Variants in DKK2 observed in about 807,000 individuals in gnomAD.
The protein encoded by DKK2 is dickkopf-related protein 2.
DKK2 carries 11 observed loss-of-function variants against 28.1 expected under a neutral mutation model. That is an observed-to-expected ratio of 0.39 (90% CI 0.25 to 0.65). The LOEUF is 0.65. Among genes scored for constraint, DKK2 ranks in the 30% least tolerant of loss-of-function variants. DKK2 has a pLI of 0.47. For missense variants in DKK2, 326 were observed against 335.5 expected (o/e 0.97, Z 0.22); for synonymous variants, 135 against 126.5 (o/e 1.07, Z -0.45).
chr4:107,015,888 C>A (rs1486278365), intron 1 of DKK2, among the ~76,000 whole-genome samples: 1 of 151,716 alleles, frequency 6.6e-6, no homozygotes, highest in East Asian at 1.9e-4. Flanking sequence ...AAACAAAATA[C>A]AATTTCCCTC....
rs1020095375 is a variant in DKK2, at chr4:106,936,583, A to G, written c.223-10634T>C. Among the ~76,000 whole-genome samples, 54 of 152,342 alleles carry G rather than the reference A, an allele frequency of 3.5e-4. 1 individual carries two copies. The highest frequency in any genetic ancestry group is 1.3e-3 in the African/African-American group (53 of 41,590). On this transcript the variant is annotated intron_variant, in intron 1 of 3. Transcript: ENST00000285311. ...GAGAACTTCCCCAATCTAGCAAGGC[A>G]GGCCAACATTCAGATTCAGGAAATA...
At chr4:106,944,859 G>A (rs1295418628) in intron 1 of DKK2, among the ~76,000 whole-genome samples, 3 of 152,046 alleles carry the variant, frequency 2.0e-5, no homozygotes, top group Non-Finnish European at 4.4e-5. Context: ...AAACACCTGG[G>A]CACAGCAGGT....
Position 107,035,894 on chromosome 4 carries a change from A to C in DKK2, c.-303T>G. 1 of 424,176 alleles carries C rather than the reference A, an allele frequency of 2.4e-6. No homozygotes were observed. Among genetic ancestry groups the C allele is most frequent in the Non-Finnish European group, 4.3e-6 (1 of 230,582 alleles). 26.3% of individuals were successfully genotyped at this position (424,176 alleles called of 1,614,324 possible). The stretch of plus-strand genomic sequence containing the variant: ...GAGGCGTGACCCAAGGTGCAAGAAA[A>C]CCCAGCCCTGTGGATCGCACCGCTT... On this transcript the variant is annotated 5_prime_UTR_variant, in exon 1 of 4. Transcript: ENST00000285311.
At chr4:107,011,714 G>T (rs200978693) in intron 1 of DKK2, among the ~76,000 whole-genome samples, 10 of 142,802 alleles carry the variant, frequency 7.0e-5, no homozygotes, top group African/African-American at 1.0e-4. Flanking sequence ...TGTGTGTGTG[G>T]GTGTGTATAA....
intron 1 of DKK2, among the ~76,000 whole-genome samples, chr4:106,973,653 G>A (rs1722901633): frequency 6.6e-6 from 1 of 152,146 alleles, no homozygotes; most frequent in African/African-American, 2.4e-5. Flanking sequence ...CAGACAGAGA[G>A]ATTGCAAAAA....
At chr4:107,027,034 T>C (rs1331161614) in intron 1 of DKK2, among the ~76,000 whole-genome samples, 1 of 151,800 alleles carries the variant, frequency 6.6e-6, no homozygotes, top group East Asian at 1.9e-4. Context: ...TAAAGAGGAA[T>C]GAACCAGAGA....
Position 106,923,856 on chromosome 4 carries a change from A to G in DKK2, c.*98T>C, listed in dbSNP as rs963507711. The G allele has an allele frequency of 2.0e-6, 3 of 1,474,238 alleles. No individual in the cohort carries two copies. In the African/African-American group the frequency reaches 4.2e-5, roughly 21 times the overall value. The allele number at this position is 1,474,238 out of a possible 1,614,324, so 91.3% of individuals were successfully genotyped here. Reference sequence around the variant, plus strand: ...ATATTCTTATCACGTTTCTTATTTTAGCCATTCTTCTGCATCTGAACCTTA... The same window carrying G: ...ATATTCTTATCACGTTTCTTATTTTGGCCATTCTTCTGCATCTGAACCTTA... On this transcript the variant is annotated 3_prime_UTR_variant, in exon 4 of 4. Transcript: ENST00000285311.
chr4:106,980,177 T>A (rs558306924), intron 1 of DKK2, among the ~76,000 whole-genome samples: 1 of 152,196 alleles, frequency 6.6e-6, no homozygotes, highest in Non-Finnish European at 1.5e-5. Context: ...ACTATCAATA[T>A]GCTTTGAAAC....
At chr4:106,956,714 G>T (rs1369249133) in intron 1 of DKK2, among the ~76,000 whole-genome samples, 1 of 151,828 alleles carries the variant, frequency 6.6e-6, no homozygotes, top group Non-Finnish European at 1.5e-5. Flanking sequence ...GAAAGCTGAA[G>T]CTGGATCCCT....
Position 107,035,459 on chromosome 4 carries a change from C to T in DKK2, c.133G>A (p.Glu45Lys). 6.2e-7 allele frequency: 1 copy of T among 1,614,198 alleles called. No homozygotes were observed. Among genetic ancestry groups the T allele is most frequent in the Non-Finnish European group, 8.5e-7 (1 of 1,180,042 alleles). ...LNSIKSSLGG[E>K]TPGQAANRSA... ...CGATTGGCGGCCTGACCAGGCGTCTCCCCGCCCAGAGAGGACTTGATGGAG... is the reference window on the plus strand; with the variant it reads ...CGATTGGCGGCCTGACCAGGCGTCTTCCCGCCCAGAGAGGACTTGATGGAG... The change falls in exon 1 of 4, where the codon GAG (glutamate) becomes AAG (lysine). Residue 45 changes from glutamate to lysine, a missense_variant. Transcript: ENST00000285311.
At chr4:107,025,086 C>G (rs945508014) in intron 1 of DKK2, among the ~76,000 whole-genome samples, 3 of 152,164 alleles carry the variant, frequency 2.0e-5, no homozygotes, top group Non-Finnish European at 4.4e-5. Flanking sequence ...GTCCATCCCT[C>G]TAAGTCAGAG....
rs981311856 is a variant in DKK2 at position 106,963,904 on chromosome 4, G to A, written c.223-37955C>T. On this transcript the variant is annotated intron_variant, in intron 1 of 3. Transcript: ENST00000285311. ...TTCATTCTTCTGCATATGTATACCC[G>A]GTTTTCCCAGTACCATTCATTTGTT... is the stretch of plus-strand genomic sequence containing the variant. Among the ~76,000 whole-genome samples the A allele has an allele frequency of 2.0e-5, 3 of 152,088 alleles. No homozygotes were observed. The South Asian group carries it at 6.2e-4, about 32-fold the overall frequency.
intron 1 of DKK2, among the ~76,000 whole-genome samples, chr4:106,934,855 G>C (rs1235664428): frequency 2.0e-5 from 3 of 152,090 alleles, no homozygotes; most frequent in African/African-American, 7.2e-5. Flanking sequence ...CATTTTAAAA[G>C]AGATACTTTA....
intron 1 of DKK2, among the ~76,000 whole-genome samples, chr4:107,003,383 C>A (rs932861394): frequency 6.6e-5 from 10 of 152,228 alleles, no homozygotes; most frequent in Non-Finnish European, 1.5e-4. Context: ...AGTTCACCAT[C>A]TTTTAGGCCC....
chr4:106,924,659 T>C lies in DKK2; in HGVS notation c.415A>G (p.Ile139Val), dbSNP rs144369104. The C allele has an allele frequency of 1.2e-6, 2 of 1,613,674 alleles. No individual in the cohort carries two copies. Among genetic ancestry groups the C allele is most frequent in the African/African-American group, 2.7e-5 (2 of 74,898 alleles). The stretch of plus-strand genomic sequence containing the variant: ...TGCCGAGTACCATCCAGAGCCGGGA[T>C]GTGAGGGGTTAAGATGCTTTCAGTA... ...PVTESILTPH[I>V]PALDGTRHRD... The change falls in exon 3 of 4, where the codon ATC becomes GTC. Residue 139 changes from isoleucine to valine, a missense_variant. By Grantham distance (29) the Ile-to-Val change is conservative. Transcript: ENST00000285311.
chr4:107,028,167 C>CCT (rs34237705), intron 1 of DKK2, among the ~76,000 whole-genome samples: 35,837 of 152,062 alleles, frequency 0.24, 4,576 homozygotes, highest in East Asian at 0.53. Flanking sequence ...ATTGACTTAT[C>CCT]CTCTCTTAAT....
intron 1 of DKK2, among the ~76,000 whole-genome samples, chr4:106,997,597 T>C (rs187686685): frequency 1.5e-3 from 230 of 152,170 alleles, no homozygotes; most frequent in African/African-American, 5.2e-3. Context: ...ACTGAAAAAC[T>C]TCCTTGCAAT....
At chr4:106,954,678 C>T (rs188272309) in intron 1 of DKK2, among the ~76,000 whole-genome samples, 107 of 152,128 alleles carry the variant, frequency 7.0e-4, no homozygotes, top group Middle Eastern at 6.8e-3. Flanking sequence ...TGTGCCACCA[C>T]GCCTGGCTAT....
At chr4:107,030,952 A>G (rs527436317) in intron 1 of DKK2, among the ~76,000 whole-genome samples, 58 of 152,138 alleles carry the variant, frequency 3.8e-4, no homozygotes, top group Admixed American at 2.5e-3. Context: ...CAAGAAGATT[A>G]TGACAGGGTC....
Sources: gnomAD v4.1 joint callset for allele counts (sites outside exome capture counted in the v4.1 genomes callset) on GRCh38, gnomAD v4.1.1 for gene constraint, MANE v1.5 for transcripts, NCBI Gene and HGNC (gene_info 2026-07-23, HGNC 2026-07-21) for gene names.